TGFBR3: variants seen among roughly 807,000 people sequenced by gnomAD.
TGFBR3 encodes transforming growth factor beta receptor type 3.
Under a neutral mutation model 87.9 loss-of-function variants are expected in TGFBR3, and 46 were observed. That is an observed-to-expected ratio of 0.52 (90% CI 0.41 to 0.67). The LOEUF (loss-of-function observed/expected upper bound fraction) is 0.67, where lower values mean the gene tolerates loss of function less well. Ranked by LOEUF, TGFBR3 falls within the 30% of genes least tolerant of loss-of-function variation. The pLI, the probability that TGFBR3 is intolerant of heterozygous loss-of-function variation, is 0.00. For synonymous variants in TGFBR3, 381 were observed against 391.6 expected (o/e 0.97, Z 0.32); for missense variants, 866 against 1,041.9 (o/e 0.83, Z 2.32).
At chr1:91,755,839 A>G (rs1571477463) in intron 4 of TGFBR3, among the ~76,000 whole-genome samples, 1 of 152,214 alleles carries the variant, frequency 6.6e-6, no homozygotes, top group South Asian at 2.1e-4. Context: ...CTGGACCTAT[A>G]GCCCAGAGAA....
chr1:91,904,974 A>T (rs1166655839), intron 1 of TGFBR3, among the ~76,000 whole-genome samples: 4 of 152,182 alleles, frequency 2.6e-5, no homozygotes, highest in Non-Finnish European at 5.9e-5. Flanking sequence ...TGCTGGGATT[A>T]CAGGCATGAG....
intron 4 of TGFBR3, among the ~76,000 whole-genome samples, chr1:91,743,258 TGAG>T (rs746780130): frequency 3.3e-5 from 5 of 152,188 alleles, no homozygotes; most frequent in Non-Finnish European, 7.4e-5. Context: ...TCTTCAGTGG[TGAG>T]GAGAGGAACT....
At chr1:91,685,469 T>A (rs1352111214) in intron 16 of TGFBR3, among the ~76,000 whole-genome samples, 2 of 151,932 alleles carry the variant, frequency 1.3e-5, no homozygotes, top group African/African-American at 4.8e-5. Context: ...ACTACAGGCA[T>A]GTGCCACCAT....
intron 16 of TGFBR3, among the ~76,000 whole-genome samples, chr1:91,685,409 AC>A (rs963224592): frequency 1.5e-5 from 2 of 130,258 alleles, no homozygotes; most frequent in African/African-American, 3.0e-5. Flanking sequence ...TGCAACCTCC[AC>A]CCCCCGGGTT....
At chr1:91,830,710 G>C (rs1453079551) in intron 2 of TGFBR3, among the ~76,000 whole-genome samples, 1 of 152,114 alleles carries the variant, frequency 6.6e-6, no homozygotes, top group Non-Finnish European at 1.5e-5. Context: ...ACAGATCTCG[G>C]TCTGGGGCAC....
chr1:91,761,212 AT>A (rs35307829), intron 3 of TGFBR3, among the ~76,000 whole-genome samples: 1 of 152,230 alleles, frequency 6.6e-6, no homozygotes, highest in Non-Finnish European at 1.5e-5. Flanking sequence ...ATGAACAAGA[AT>A]TTTTTATAAA....
chr1:91,686,353 C>T (rs538942896), intron 16 of TGFBR3, among the ~76,000 whole-genome samples: 4 of 152,302 alleles, frequency 2.6e-5, no homozygotes, highest in South Asian at 2.1e-4. Context: ...AAACCCCAAA[C>T]AAAACAAAGA....
intron 5 of TGFBR3, among the ~76,000 whole-genome samples, 194 bp from the exon 6 acceptor site, chr1:91,730,167 T>C (rs1304732427): frequency 1.3e-5 from 2 of 152,168 alleles, no homozygotes; most frequent in Non-Finnish European, 2.9e-5. Context: ...TGACCGCCTA[T>C]TGACTAGCCC....
Position 91,719,325 on chromosome 1 carries a change from A to G in TGFBR3, c.1553T>C (p.Val518Ala). ...GAAAACACTCACGGAGTTATAGTAG[A>G]CCACACCATCAAGGGCTGACCACCG... ...RPRWSALDGVVYYNSIVIQVP... is the reference protein window; with the variant it reads ...RPRWSALDGVAYYNSIVIQVP... Residue 518 changes from valine to alanine, a missense_variant, in exon 10 of 17, where the codon GTC (valine) becomes GCC (alanine). By Grantham distance (64) the Val-to-Ala change is moderately conservative. Transcript: ENST00000212355. 6.2e-7 allele frequency: 1 copy of G among 1,614,148 alleles called. No individual in the cohort carries two copies. The highest frequency in any genetic ancestry group is 8.5e-7 in the Non-Finnish European group (1 of 1,180,016).
intron 3 of TGFBR3, among the ~76,000 whole-genome samples, chr1:91,776,918 A>C (rs983784607): frequency 2.6e-5 from 4 of 152,162 alleles, no homozygotes; most frequent in Non-Finnish European, 5.9e-5. Context: ...TTGCTCCCCA[A>C]ATCTCACCGT....
chr1:91,802,320 T>C (rs1486041410), intron 2 of TGFBR3, among the ~76,000 whole-genome samples: 1 of 152,098 alleles, frequency 6.6e-6, no homozygotes, highest in Non-Finnish European at 1.5e-5. Context: ...TTTACAGAAA[T>C]GACTCCAGGC....
At chr1:91,776,239 T>C (rs1159434312) in intron 3 of TGFBR3, among the ~76,000 whole-genome samples, 1 of 152,248 alleles carries the variant, frequency 6.6e-6, no homozygotes, top group African/African-American at 2.4e-5. Flanking sequence ...GAGAACTCAC[T>C]ATCCACTGTG....
chr1:91,771,566 C>T (rs935845338), intron 3 of TGFBR3, among the ~76,000 whole-genome samples: 11 of 151,650 alleles, frequency 7.3e-5, no homozygotes, highest in African/African-American at 1.7e-4. Flanking sequence ...ATTAGCCGGG[C>T]GTGGTGGCGG....
Position 91,766,616 on chromosome 1 carries a change from C to T in TGFBR3, c.247-7866G>A, listed in dbSNP as rs531270123. 6.7e-4 allele frequency among the ~76,000 whole-genome samples: 72 copies of T among 107,706 alleles called. 13 individuals are homozygous for T. Among genetic ancestry groups the T allele is most frequent in the Non-Finnish European group, 1.2e-3 (58 of 48,746 alleles). The allele number at this position is 107,706 out of a possible 152,430, so 70.7% of individuals were successfully genotyped here. A position where few individuals can be genotyped will look rare whatever the true frequency, so the allele number is the denominator to read the frequency against. ...ACGTGCAGTCAGAGATTGAAGCTGT[C>T]CTCACTGGGTTAACAAGAATTCCGG... On this transcript the variant is annotated intron_variant, in intron 3 of 16. Transcript: ENST00000212355.
chr1:91,699,148 G>A (rs948638276), intron 14 of TGFBR3, among the ~76,000 whole-genome samples: 1 of 152,080 alleles, frequency 6.6e-6, no homozygotes, highest in African/African-American at 2.4e-5. Flanking sequence ...CTTTCCTGAT[G>A]GAGTCCTTCA....
intron 4 of TGFBR3, among the ~76,000 whole-genome samples, chr1:91,744,040 G>C (rs376670632): frequency 7.9e-5 from 12 of 151,350 alleles, no homozygotes; most frequent in Admixed American, 7.2e-4. Flanking sequence ...ATATTATTTT[G>C]GATCTACTGG....
At chr1:91,687,784 AG>A (rs1399718842) in intron 16 of TGFBR3, among the ~76,000 whole-genome samples, 1 of 152,196 alleles carries the variant, frequency 6.6e-6, no homozygotes, top group Non-Finnish European at 1.5e-5. Flanking sequence ...GGTTAGTTAT[AG>A]AGGGAATTTA....
At chr1:91,719,135 T>C (rs1483253695) in intron 10 of TGFBR3, among the ~76,000 whole-genome samples, 177 bp downstream of exon 10, 1 of 152,022 alleles carries the variant, frequency 6.6e-6, no homozygotes, top group Non-Finnish European at 1.5e-5. Context: ...ATAAAACAAA[T>C]AAAACCAAAG....
Position 91,712,420 on chromosome 1 carries a change from A to G in TGFBR3, c.1989T>C (p.Asp663=). 6.2e-7 allele frequency: 1 copy of G among 1,614,220 alleles called. No individual in the cohort carries two copies. Among genetic ancestry groups the G allele is most frequent in the South Asian group, 1.1e-5 (1 of 91,086 alleles). The change falls in exon 13 of 17, where the codon GAT becomes GAC. Residue 663 remains aspartate (D), a synonymous_variant. Coordinates refer to ENST00000212355, the MANE Select transcript of TGFBR3 (RefSeq NM_003243.5). ...YTIIENICPK[D]ESVKFYSPKR... is the part of the protein sequence containing the mutation. ...TGGGACTGTAGAATTTCACAGATTC[A>G]TCTTTAGGACAAATATTCTCAATAA...
Sources: gnomAD v4.1 joint callset for allele counts (sites outside exome capture counted in the v4.1 genomes callset) on GRCh38, gnomAD v4.1.1 for gene constraint, MANE v1.5 for transcripts, NCBI Gene and HGNC (gene_info 2026-07-23, HGNC 2026-07-21) for gene names.